The following SGCE variants were observed in gnomAD, a reference collection of about 807,000 sequenced individuals.
SGCE encodes epsilon-sarcoglycan.
A neutral mutation model predicts 57.8 loss-of-function variants in SGCE; 26 were observed. The observed-to-expected ratio is 0.45, with a 90% confidence interval of 0.33 to 0.62. The LOEUF is 0.62. SGCE is among the 20% of genes least tolerant of loss of function. The pLI is 0.02. For missense variants in SGCE, 468 were observed against 548.6 expected, an observed-to-expected ratio of 0.85 and a Z score of 1.47; for synonymous variants, 183 against 189.5, an observed-to-expected ratio of 0.97 and a Z score of 0.28.
intron 1 of SGCE, among the ~76,000 whole-genome samples, chr7:94,635,534 G>A (rs1036972835): frequency 6.6e-6 from 1 of 152,156 alleles, no homozygotes; most frequent in Non-Finnish European, 1.5e-5. Context: ...GAGATTCAGA[G>A]TCCCTGTATA....
At chr7:94,588,904 G>A (rs1032876403) in intron 9 of SGCE, 172 bp from the exon 10 acceptor site, 1 of 675,482 alleles carries the variant, frequency 1.5e-6, no homozygotes, top group Non-Finnish European at 2.6e-6. Flanking sequence ...GAGGTCTGAG[G>A]AGAATAAAAA....
chr7:94,627,642 A>G (rs1803944681), intron 3 of SGCE: 1 of 152,328 alleles, frequency 6.6e-6, no homozygotes, highest in Non-Finnish European at 1.5e-5. Context: ...TGTCAAGTAA[A>G]TTCTTTACCT....
chr7:94,617,885 T>C (rs1802169806), intron 5 of SGCE: 1 of 152,238 alleles, frequency 6.6e-6, no homozygotes, highest in African/African-American at 2.4e-5. Flanking sequence ...TAGCTAATTC[T>C]AGATATCACC....
chr7:94,648,233 G>A (rs2117084597), intron 1 of SGCE, among the ~76,000 whole-genome samples: 1 of 151,838 alleles, frequency 6.6e-6, no homozygotes, highest in East Asian at 1.9e-4. Flanking sequence ...AAATTAGCTG[G>A]GCCTGGTGGC....
chr7:94,600,223 TTG>T (rs1354596406), intron 7 of SGCE: 1 of 193,620 alleles, frequency 5.2e-6, no homozygotes, highest in East Asian at 1.4e-4. Context: ...AAACATTAAA[TTG>T]TGTTACCCTG....
intron 1 of SGCE, among the ~76,000 whole-genome samples, chr7:94,637,817 T>G (rs1459984152): frequency 6.6e-6 from 1 of 152,116 alleles, no homozygotes; most frequent in Non-Finnish European, 1.5e-5. Flanking sequence ...TGAAAAATGA[T>G]GTGAAGTCCA....
chr7:94,610,872 A>G (rs748445681), intron 5 of SGCE, among the ~76,000 whole-genome samples: 3 of 152,230 alleles, frequency 2.0e-5, no homozygotes, highest in Non-Finnish European at 4.4e-5. Context: ...TATGATATAC[A>G]GATATCTAAT....
intron 6 of SGCE, 22 bp from the exon 7 acceptor site, chr7:94,600,879 A>C: frequency 1.9e-6 from 3 of 1,563,896 alleles, no homozygotes; most frequent in South Asian, 2.3e-5. Flanking sequence ...GAAGACAATT[A>C]CACAACAAAT....
At chr7:94,636,313 AAT>A (rs1228523889) in intron 1 of SGCE, among the ~76,000 whole-genome samples, 4 of 152,198 alleles carry the variant, frequency 2.6e-5, no homozygotes, top group African/African-American at 9.7e-5. Flanking sequence ...GGGCATGCCA[AAT>A]ATATTTCTTT....
intron 5 of SGCE, among the ~76,000 whole-genome samples, chr7:94,607,238 C>T (rs1800290432): frequency 6.6e-6 from 1 of 152,050 alleles, no homozygotes; most frequent in Admixed American, 6.6e-5. Context: ...AGAAATTATG[C>T]CAACTCTCTA....
intron 1 of SGCE, among the ~76,000 whole-genome samples, chr7:94,649,271 T>G (rs1807550432): frequency 6.6e-6 from 1 of 152,206 alleles, no homozygotes; most frequent in Non-Finnish European, 1.5e-5. Flanking sequence ...AATAAAATTC[T>G]ACCAAAGAGT....
At chr7:94,643,739 T>A (rs1282133782) in intron 1 of SGCE, among the ~76,000 whole-genome samples, 1 of 152,222 alleles carries the variant, frequency 6.6e-6, no homozygotes, top group Admixed American at 6.5e-5. Context: ...ACTTCTTGTA[T>A]AGAAAAGTAT....
intron 5 of SGCE, among the ~76,000 whole-genome samples, chr7:94,610,853 A>G (rs1433090682): frequency 6.6e-6 from 1 of 152,232 alleles, no homozygotes; most frequent in Non-Finnish European, 1.5e-5. Context: ...GAATAGACCT[A>G]TTTCCAAATA....
chr7:94,614,787 G>C (rs1377391639), intron 5 of SGCE, among the ~76,000 whole-genome samples: 1 of 151,974 alleles, frequency 6.6e-6, no homozygotes, highest in African/African-American at 2.4e-5. Flanking sequence ...TGCAAGCCTA[G>C]ATTGTGTTTT....
intron 5 of SGCE, among the ~76,000 whole-genome samples, chr7:94,608,628 G>A (rs1800526720): frequency 6.6e-6 from 1 of 152,112 alleles, no homozygotes; most frequent in Non-Finnish European, 1.5e-5. Context: ...AATATTGAAG[G>A]AGAAGAACAA....
At chr7:94,612,804 T>C (rs1801260765) in intron 5 of SGCE, among the ~76,000 whole-genome samples, 1 of 152,172 alleles carries the variant, frequency 6.6e-6, no homozygotes, top group African/African-American at 2.4e-5. Context: ...TCCTTCTATC[T>C]TCTTCTCTCT....
intron 9 of SGCE, among the ~76,000 whole-genome samples, chr7:94,595,751 C>T (rs1198953505): frequency 6.6e-6 from 1 of 151,986 alleles, no homozygotes; most frequent in African/African-American, 2.4e-5. Flanking sequence ...ATGATGAACC[C>T]CATACAATAA....
At chr7:94,611,479 A>T (rs902729234) in intron 5 of SGCE, among the ~76,000 whole-genome samples, 7 of 86,038 alleles carry the variant, frequency 8.1e-5, no homozygotes, top group South Asian at 4.1e-4. Context: ...GTGGCTGCCT[A>T]GGGGTAGGGG....
At chr7:94,634,059 G>GA (rs1456615507) in intron 1 of SGCE, among the ~76,000 whole-genome samples, 10 of 152,154 alleles carry the variant, frequency 6.6e-5, no homozygotes, top group African/African-American at 2.2e-4. Context: ...TCTTTGAGAA[G>GA]AAAGTCATAA....
Sources: gnomAD v4.1 joint callset for allele counts (sites outside exome capture counted in the v4.1 genomes callset) on GRCh38, gnomAD v4.1.1 for gene constraint, MANE v1.5 for transcripts, NCBI Gene and HGNC (gene_info 2026-07-23, HGNC 2026-07-21) for gene names.